The following PTPRD variants were observed in gnomAD, a reference collection of about 807,000 sequenced individuals.
PTPRD encodes receptor-type tyrosine-protein phosphatase delta.
PTPRD carries 34 observed loss-of-function variants against 214.5 expected under a neutral mutation model. The ratio of observed to expected loss-of-function variants is 0.16; its 90% CI spans 0.12 to 0.21. PTPRD has a LOEUF of 0.21. Ranked by LOEUF, PTPRD falls within the 10% of genes least tolerant of loss-of-function variation. The probability of loss-of-function intolerance (pLI) is 1.00; values close to 1 mark genes in which losing one functional copy is unlikely to be tolerated. For synonymous variants in PTPRD, 1,128 were observed against 845.7 expected, an observed-to-expected ratio of 1.33 and a Z score of -5.79; for missense variants, 2,545 against 2,398.7, an observed-to-expected ratio of 1.06 and a Z score of -1.27.
intron 11 of PTPRD, among the ~76,000 whole-genome samples, chr9:8,884,489 A>G (rs755348036): frequency 1.3e-5 from 2 of 152,196 alleles, no homozygotes; most frequent in African/African-American, 2.4e-5. Context: ...TTGGAGCTGG[A>G]CTAAGTGATG....
chr9:10,369,070 T>C (rs1020671801), intron 2 of PTPRD, among the ~76,000 whole-genome samples: 1 of 152,050 alleles, frequency 6.6e-6, no homozygotes, highest in South Asian at 2.1e-4. Context: ...AACTTAGGCA[T>C]GCACCATGGT....
intron 10 of PTPRD, among the ~76,000 whole-genome samples, chr9:9,056,022 C>A (rs1229502834): frequency 6.6e-6 from 1 of 151,940 alleles, no homozygotes; most frequent in Non-Finnish European, 1.5e-5. Context: ...TAATGTCTGG[C>A]AGAATATACT....
At chr9:9,799,537 G>A (rs1167486509) in intron 5 of PTPRD, 2 of 152,108 alleles carry the variant, frequency 1.3e-5, no homozygotes, top group Non-Finnish European at 2.9e-5. Context: ...TGTTTCCTTG[G>A]GGGCAGATAA....
At position 8,550,256 on chromosome 9, in the gene PTPRD, T is replaced by C. The variant is rs182416987; in HGVS notation, c.353-21477A>G. On this transcript the variant is annotated intron_variant, in intron 14 of 45. Coordinates refer to ENST00000381196, the MANE Select transcript of PTPRD (RefSeq NM_002839.4). ...TATTGTCATGTTCCTAAGATTAGTA[T>C]AGATACCTTACATGTATATGGTACC... 1.1e-4 allele frequency among the ~76,000 whole-genome samples: 16 copies of C among 152,292 alleles called. No individual in the cohort carries two copies. In the East Asian group the frequency reaches 2.3e-3, roughly 22 times the overall value.
intron 3 of PTPRD, among the ~76,000 whole-genome samples, chr9:10,151,321 G>A (rs1254683391): frequency 7.7e-6 from 1 of 129,820 alleles, no homozygotes; most frequent in African/African-American, 2.9e-5. Flanking sequence ...AGAGTACAGT[G>A]GTGCGATCTC....
intron 9 of PTPRD, among the ~76,000 whole-genome samples, chr9:9,206,806 A>G (rs2099945144): frequency 6.6e-6 from 1 of 152,074 alleles, no homozygotes; most frequent in African/African-American, 2.4e-5. Context: ...AGGCTGCACT[A>G]CTTTTGAGGT....
Position 8,641,042 on chromosome 9 carries a change from A to G in PTPRD, c.65-4198T>C, listed in dbSNP as rs1345667579. Among the ~76,000 whole-genome samples the G allele has an allele frequency of 2.0e-5, 3 of 148,404 alleles. 1 individual carries two copies. Among genetic ancestry groups the G allele is most frequent in the African/African-American group, 5.3e-5 (2 of 37,856 alleles). On this transcript the variant is annotated intron_variant, in intron 12 of 45. Transcript: ENST00000381196. Reference sequence around the variant, plus strand: ...TAAAAATCTTTATTCTCAGAGGGATATAACAACACACATCACCCACTTCCC... The same window carrying G: ...TAAAAATCTTTATTCTCAGAGGGATGTAACAACACACATCACCCACTTCCC...
chr9:10,247,529 C>G (rs1014798975), intron 3 of PTPRD, among the ~76,000 whole-genome samples: 2 of 152,092 alleles, frequency 1.3e-5, no homozygotes, highest in African/African-American at 4.8e-5. Flanking sequence ...ACTTTATGAT[C>G]CAACACTTTA....
chr9:8,673,453 G>T (rs375274522), intron 12 of PTPRD, among the ~76,000 whole-genome samples: 2 of 151,980 alleles, frequency 1.3e-5, no homozygotes. Context: ...AATAACAGTA[G>T]TAATAGCATA....
chr9:9,650,339 T>TGTGAAAATGG (rs1564311904), intron 7 of PTPRD, among the ~76,000 whole-genome samples: 2 of 152,156 alleles, frequency 1.3e-5, no homozygotes, highest in Non-Finnish European at 2.9e-5. Flanking sequence ...TTTATAGCAT[T>TGTGAAAATGG]GTGAAAATGG....
At chr9:10,143,711 G>C (rs1592271074) in intron 3 of PTPRD, among the ~76,000 whole-genome samples, 1 of 151,986 alleles carries the variant, frequency 6.6e-6, no homozygotes, top group Non-Finnish European at 1.5e-5. Flanking sequence ...TACACCATGG[G>C]ACACTATGCA....
intron 11 of PTPRD, among the ~76,000 whole-genome samples, chr9:8,931,053 T>C (rs2154281749): frequency 6.6e-6 from 1 of 152,324 alleles, no homozygotes; most frequent in African/African-American, 2.4e-5. Flanking sequence ...ATGTCCTGAA[T>C]GGTATTGCCT....
At chr9:10,020,003 T>C (rs1026318319) in intron 4 of PTPRD, among the ~76,000 whole-genome samples, 7 of 152,184 alleles carry the variant, frequency 4.6e-5, no homozygotes, top group Admixed American at 1.3e-4. Context: ...AAACGGTTTA[T>C]TACAATGTTT....
intron 7 of PTPRD, among the ~76,000 whole-genome samples, chr9:9,700,084 C>T (rs1298860065): frequency 6.6e-6 from 1 of 152,078 alleles, no homozygotes; most frequent in African/African-American, 2.4e-5. Flanking sequence ...TGCATTTTCA[C>T]CTAGCATAAA....
chr9:9,965,800 T>A (rs1252339245), intron 4 of PTPRD, among the ~76,000 whole-genome samples: 2 of 152,160 alleles, frequency 1.3e-5, no homozygotes. Flanking sequence ...ATTGTCAACA[T>A]TAAAACTTAG....
intron 3 of PTPRD, among the ~76,000 whole-genome samples, chr9:10,284,314 C>A (rs1417665567): frequency 2.0e-5 from 3 of 152,132 alleles, no homozygotes; most frequent in Non-Finnish European, 4.4e-5. Context: ...TAAGATTAAA[C>A]ACTATTGAAG....
At chr9:8,700,053 T>A (rs889249158) in intron 12 of PTPRD, among the ~76,000 whole-genome samples, 1 of 152,204 alleles carries the variant, frequency 6.6e-6, no homozygotes, top group African/African-American at 2.4e-5. Context: ...TGAACAGTGG[T>A]ACAACTGCCA....
At chr9:10,443,691 G>T (rs1456605448) in intron 2 of PTPRD, among the ~76,000 whole-genome samples, 1 of 151,086 alleles carries the variant, frequency 6.6e-6, no homozygotes, top group Non-Finnish European at 1.5e-5. Context: ...TTCCCATGAG[G>T]TCTGCTTGCC....
chr9:9,554,740 G>A lies in PTPRD; in HGVS notation c.-237+19992C>T, dbSNP rs181032130. ...AGAAATAGAGATAAAAAGAATTGCA[G>A]AGGAAACGTCAACACTTCTTAACTA... On this transcript the variant is annotated intron_variant, in intron 8 of 45. Transcript: ENST00000381196. Among the ~76,000 whole-genome samples the A allele has an allele frequency of 2.6e-5, 4 of 152,134 alleles. No individual in the cohort carries two copies. In the East Asian group the frequency reaches 7.7e-4, roughly 29 times the overall value.
Sources: gnomAD v4.1 joint callset for allele counts (sites outside exome capture counted in the v4.1 genomes callset) on GRCh38, gnomAD v4.1.1 for gene constraint, MANE v1.5 for transcripts, NCBI Gene and HGNC (gene_info 2026-07-23, HGNC 2026-07-21) for gene names.